IL1RAPL2: variants seen among roughly 807,000 people sequenced by gnomAD.
The protein encoded by IL1RAPL2 is X-linked interleukin-1 receptor accessory protein-like 2.
IL1RAPL2 carries 3 observed loss-of-function variants against 44.1 expected under a neutral mutation model. The observed-to-expected ratio is 0.07, with a 90% CI of 0.03 to 0.18. The LOEUF (loss-of-function observed/expected upper bound fraction) is 0.18. Ranked by LOEUF, IL1RAPL2 falls within the 10% of genes least tolerant of loss-of-function variation. The pLI, the probability that IL1RAPL2 is intolerant of heterozygous loss-of-function variation, is 1.00. For missense variants in IL1RAPL2, 391 were observed against 496.4 expected, an observed-to-expected ratio of 0.79 and a Z score of 2.02; for synonymous variants, 181 against 178.8, an observed-to-expected ratio of 1.01 and a Z score of -0.10.
At position 105,251,580 on chromosome X, in the gene IL1RAPL2, GTT is replaced by G. The variant is rs111843969; in HGVS notation, c.544-15796_544-15795del. Among the ~76,000 whole-genome samples, 169 of 99,758 alleles carry G rather than the reference GTT, an allele frequency of 1.7e-3. 3 individuals are homozygous for G. Among genetic ancestry groups the G allele is most frequent in the African/African-American group, 5.8e-3 (160 of 27,785 alleles). The allele number at this position is 99,758 out of a possible 115,157, so 86.6% of individuals were successfully genotyped here. ...TAGATATGGCATTAGAAGTGGGGAGGTTTTTTTTTTTTTAACTGTTTGTAAAT... is the reference window on the plus strand; with the variant it reads ...TAGATATGGCATTAGAAGTGGGGAGGTTTTTTTTTTTAACTGTTTGTAAAT... On this transcript the variant is annotated intron_variant, in intron 4 of 10. Coordinates refer to ENST00000372582, the MANE Select transcript of IL1RAPL2 (RefSeq NM_017416.2).
intron 4 of IL1RAPL2, among the ~76,000 whole-genome samples, chrX:105,243,587 GTATA>G (rs1168803021): frequency 1.7e-4 from 13 of 74,833 alleles, no homozygotes; most frequent in African/African-American, 1.6e-3. Flanking sequence ...ATATATATGT[GTATA>G]TATATATATA....
intron 6 of IL1RAPL2, among the ~76,000 whole-genome samples, chrX:105,638,611 G>A (rs976295072): frequency 2.7e-5 from 3 of 111,841 alleles, no homozygotes; most frequent in African/African-American, 6.5e-5. Context: ...AGGAACCACT[G>A]CTTCAAATAT....
intron 2 of IL1RAPL2, among the ~76,000 whole-genome samples, chrX:105,114,080 C>A (rs1295818873): frequency 1.8e-5 from 2 of 111,710 alleles, no homozygotes; most frequent in Non-Finnish European, 3.8e-5. Context: ...AGATTCTAAC[C>A]CCCAAGGTGA....
chrX:104,993,636 T>A (rs1641659459), intron 2 of IL1RAPL2, among the ~76,000 whole-genome samples: 1 of 111,467 alleles, frequency 9.0e-6, no homozygotes, highest in South Asian at 3.7e-4. Context: ...CTTATTTCCA[T>A]CCCCAAGTCA....
At chrX:104,582,276 G>A (rs937572497) in intron 1 of IL1RAPL2, among the ~76,000 whole-genome samples, 5 of 111,534 alleles carry the variant, frequency 4.5e-5, no homozygotes, top group Non-Finnish European at 7.5e-5. Flanking sequence ...TTTACATACT[G>A]TGAGTAAAAA....
chrX:105,254,680 G>T (rs1490915513), intron 4 of IL1RAPL2, among the ~76,000 whole-genome samples: 1 of 111,813 alleles, frequency 8.9e-6, no homozygotes, highest in East Asian at 2.8e-4. Flanking sequence ...AGTTTTTATA[G>T]TTTGGGGTTC....
chrX:105,543,263 T>C (rs12845381), intron 6 of IL1RAPL2, among the ~76,000 whole-genome samples: 39,658 of 111,106 alleles, frequency 0.36, 5,746 homozygotes, highest in South Asian at 0.48. Flanking sequence ...ACATACTGTA[T>C]GGCCCAGCCC....
chrX:104,975,790 G>T (rs1388827927), intron 2 of IL1RAPL2, among the ~76,000 whole-genome samples: 3 of 111,841 alleles, frequency 2.7e-5, no homozygotes, highest in Non-Finnish European at 5.6e-5. Flanking sequence ...GGCAGTGTGG[G>T]GTATAGCTGG....
chrX:104,677,053 T>C (rs1338987029), intron 2 of IL1RAPL2, among the ~76,000 whole-genome samples: 2 of 111,689 alleles, frequency 1.8e-5, no homozygotes, highest in Non-Finnish European at 3.8e-5. Context: ...TGTCCTCCCA[T>C]AGCTCGGAGA....
chrX:105,747,913 G>A (rs1478765873), intron 8 of IL1RAPL2, among the ~76,000 whole-genome samples: 5 of 110,708 alleles, frequency 4.5e-5, no homozygotes, highest in Admixed American at 9.6e-5. Flanking sequence ...ATGTAATTAC[G>A]TTAAAGGGAG....
At chrX:105,583,125 A>C (rs773220893) in intron 6 of IL1RAPL2, among the ~76,000 whole-genome samples, 7 of 101,035 alleles carry the variant, frequency 6.9e-5, no homozygotes, top group Non-Finnish European at 1.4e-4. Context: ...TTAACTAAGA[A>C]TTCAATTTTT....
intron 2 of IL1RAPL2, among the ~76,000 whole-genome samples, chrX:104,906,208 A>T (rs972767839): frequency 2.7e-5 from 3 of 111,547 alleles, no homozygotes; most frequent in African/African-American, 6.5e-5. Flanking sequence ...TTTTGGGCTG[A>T]GACAATGGGG....
At chrX:105,335,192 G>T (rs1362828263) in intron 5 of IL1RAPL2, among the ~76,000 whole-genome samples, 2 of 109,550 alleles carry the variant, frequency 1.8e-5, no homozygotes, top group Non-Finnish European at 3.8e-5. Context: ...CATGAATTTG[G>T]CCCTTGATGC....
intron 5 of IL1RAPL2, among the ~76,000 whole-genome samples, chrX:105,372,156 T>A (rs1049133198): frequency 9.0e-6 from 1 of 111,152 alleles, no homozygotes; most frequent in Admixed American, 9.6e-5. Context: ...GTCTTTTAGG[T>A]TAGGCACAGT....
intron 3 of IL1RAPL2, among the ~76,000 whole-genome samples, chrX:105,227,230 A>G (rs1167435320): frequency 2.7e-5 from 3 of 111,410 alleles, no homozygotes; most frequent in Non-Finnish European, 5.7e-5. Flanking sequence ...ATAATAATAA[A>G]ATAAAAAAAT....
At chrX:104,718,948 G>GC (rs1440755238) in intron 2 of IL1RAPL2, among the ~76,000 whole-genome samples, 20 of 111,881 alleles carry the variant, frequency 1.8e-4, no homozygotes. Flanking sequence ...AATAAGCTTA[G>GC]CTATGTTCCA....
intron 5 of IL1RAPL2, among the ~76,000 whole-genome samples, chrX:105,367,060 A>G (rs2035300151): frequency 9.0e-6 from 1 of 111,417 alleles, no homozygotes; most frequent in South Asian, 3.7e-4. Flanking sequence ...TGATGAATTT[A>G]CCCCTTTATT....
At chrX:105,131,019 A>G (rs1025850914) in intron 2 of IL1RAPL2, among the ~76,000 whole-genome samples, 5 of 111,862 alleles carry the variant, frequency 4.5e-5, no homozygotes, top group African/African-American at 1.6e-4. Flanking sequence ...TTTTACAGGT[A>G]AGAAAAGGCA....
intron 2 of IL1RAPL2, among the ~76,000 whole-genome samples, chrX:105,077,415 T>C (rs1212667410): frequency 8.9e-6 from 1 of 112,238 alleles, no homozygotes; most frequent in Non-Finnish European, 1.9e-5. Context: ...AGAGGTCAGC[T>C]GTTAGTCTGA....
Sources: allele counts gnomAD v4.1 joint callset (sites outside exome capture counted in the v4.1 genomes callset), GRCh38; gene constraint gnomAD v4.1.1; transcripts MANE v1.5; gene names NCBI Gene and HGNC (gene_info 2026-07-23, HGNC 2026-07-21).